Variants in TMC3 observed in about 807,000 individuals in gnomAD.
The protein encoded by TMC3 is transmembrane channel-like protein 3.
A neutral mutation model predicts 110.6 loss-of-function variants in TMC3; 98 were observed. That is an observed-to-expected ratio of 0.89 (90% CI 0.75 to 1.05). TMC3 has a LOEUF of 1.05. Ranked by LOEUF, TMC3 falls within the 50% of genes least tolerant of loss-of-function variation. The pLI is 0.00. For synonymous variants in TMC3, 489 were observed against 513.1 expected (o/e 0.95, Z 0.63); for missense variants, 1,319 against 1,373.2 (o/e 0.96, Z 0.62).
At chr15:81,357,265 G>A (rs1329229175) in intron 7 of TMC3, among the ~76,000 whole-genome samples, 1 of 152,058 alleles carries the variant, frequency 6.6e-6, no homozygotes, top group African/African-American at 2.4e-5. Context: ...AGGCCCCTAG[G>A]TCATTATGCA....
rs1893648033 is a variant in TMC3, at chr15:81,338,663, G to A, written c.2073C>T (p.Leu691=). The A allele has an allele frequency of 3.7e-6, 6 of 1,613,868 alleles. No individual in the cohort carries two copies. The highest frequency in any genetic ancestry group is 2.7e-5 in the African/African-American group (2 of 74,922). The stretch of plus-strand genomic sequence containing the variant: ...GCAGGTGTGGTACTCACAAAAGCAG[G>A]AGTACTGCGGGCAGGATGACCACGG... The part of the protein sequence containing the change: ...SSPVVILPAV[L]LLFMLIYYLQ... Residue 691 remains leucine (L), a synonymous_variant, in exon 18 of 22, where the codon CTC becomes CTT. Coordinates refer to ENST00000359440, the MANE Select transcript of TMC3 (RefSeq NM_001080532.3).
chr15:81,335,052 G>A, intron 20 of TMC3, 77 bp from the exon 21 acceptor site: 1 of 1,525,444 alleles, frequency 6.6e-7, no homozygotes, highest in South Asian at 1.2e-5. Context: ...TGAGTTGCAA[G>A]GGTTTTATGA....
chr15:81,362,386 A>C (rs1596093692), intron 3 of TMC3, 85 bp from the exon 4 acceptor site: 4 of 1,005,704 alleles, frequency 4.0e-6, no homozygotes. Context: ...AATGGAGTAT[A>C]CCAGACACTC....
chr15:81,359,587 C>T (rs61655027), intron 4 of TMC3, 116 bp from the exon 5 acceptor site: 27,687 of 649,562 alleles, frequency 0.043, 877 homozygotes, highest in East Asian at 0.13. Flanking sequence ...GTAAGAATGC[C>T]ATTATTGTAC....
intron 21 of TMC3, 143 bp from the exon 22 acceptor site, chr15:81,333,405 G>A (rs765047675): frequency 2.1e-5 from 25 of 1,164,712 alleles, no homozygotes; most frequent in Non-Finnish European, 2.8e-5. Flanking sequence ...TGTGTGCACA[G>A]AGACATTTGG....
intron 15 of TMC3, 107 bp from the exon 16 acceptor site, chr15:81,341,625 C>T (rs1037217253): frequency 7.8e-7 from 1 of 1,289,696 alleles, no homozygotes; most frequent in Non-Finnish European, 1.1e-6. Context: ...GGGGATTATA[C>T]CCTAAGCTTA....
At chr15:81,352,050 GC>G (rs1166582747) in intron 9 of TMC3, among the ~76,000 whole-genome samples, 3 of 152,154 alleles carry the variant, frequency 2.0e-5, no homozygotes, top group African/African-American at 7.2e-5. Context: ...AATTCAACCA[GC>G]CTGCATCAGT....
At position 81,372,714 on chromosome 15, in the gene TMC3, G is replaced by A; in HGVS notation, c.113C>T (p.Ala38Val). The change falls in exon 2 of 22, where the codon GCT becomes GTT. Residue 38 changes from alanine to valine, a missense_variant. Transcript: ENST00000359440. ...LLSNLDDSFSADETGDSNDPE... is the reference protein window; with the variant it reads ...LLSNLDDSFSVDETGDSNDPE... ...ATCATTGCTGTCCCCTGTTTCATCA[G>A]CACTAAAGCTGTCATCCAAGTTGCT... 6.2e-7 allele frequency: 1 copy of A among 1,613,996 alleles called. No individual in the cohort carries two copies. The highest frequency in any genetic ancestry group is 8.5e-7 in the Non-Finnish European group (1 of 1,179,884).
chr15:81,368,981 G>C (rs889841189), intron 2 of TMC3, among the ~76,000 whole-genome samples: 6 of 152,242 alleles, frequency 3.9e-5, no homozygotes, highest in Admixed American at 3.9e-4. Context: ...ATAAATGTTA[G>C]TGCCATGGAC....
chr15:81,357,588 T>A (rs1894092984), intron 7 of TMC3, among the ~76,000 whole-genome samples: 1 of 152,100 alleles, frequency 6.6e-6, no homozygotes, highest in Non-Finnish European at 1.5e-5. Flanking sequence ...GGTGCAGAGC[T>A]CCTAACCCCC....
chr15:81,344,314 G>C (rs552272608), intron 13 of TMC3, among the ~76,000 whole-genome samples: 1 of 152,314 alleles, frequency 6.6e-6, no homozygotes, highest in East Asian at 1.9e-4. Context: ...AGAATCTAAG[G>C]TCTGTGGTTC....
intron 3 of TMC3, among the ~76,000 whole-genome samples, chr15:81,366,788 G>A (rs1286130189): frequency 1.3e-5 from 2 of 152,154 alleles, no homozygotes; most frequent in African/African-American, 4.8e-5. Context: ...ATGCCAAGAT[G>A]TGTCCTTAGG....
chr15:81,350,147 A>G (rs1357074333), intron 10 of TMC3, among the ~76,000 whole-genome samples: 1 of 151,976 alleles, frequency 6.6e-6, no homozygotes, highest in Non-Finnish European at 1.5e-5. Context: ...TGGCAGAAGA[A>G]TTTCTTGAAC....
chr15:81,336,282 T>C (rs1893592726), intron 20 of TMC3, among the ~76,000 whole-genome samples: 1 of 152,066 alleles, frequency 6.6e-6, no homozygotes, highest in South Asian at 2.1e-4. Flanking sequence ...AAAAAAATAT[T>C]AGGACAGGTG....
In TMC3 at chr15:81,341,880, T is replaced by C. The variant is rs531838385; in HGVS notation, c.1716-362A>G. 1.0e-3 allele frequency among the ~76,000 whole-genome samples: 158 copies of C among 152,336 alleles called. 1 individual carries two copies. The highest frequency in any genetic ancestry group is 3.7e-3 in the African/African-American group (154 of 41,584). ...CTATGATGAGGACTGTGCTAATAAA[T>C]TACTGCCTTTCAGGTTTAATCAACA... is the stretch of plus-strand genomic sequence containing the variant. On this transcript the variant is annotated intron_variant, in intron 15 of 21. Transcript: ENST00000359440.
chr15:81,349,196 C>T (rs1469977362), intron 11 of TMC3, among the ~76,000 whole-genome samples: 5 of 151,924 alleles, frequency 3.3e-5, no homozygotes, highest in Non-Finnish European at 7.4e-5. Flanking sequence ...TTCTCCTCCT[C>T]CTCTTCTTCC....
intron 21 of TMC3, among the ~76,000 whole-genome samples, chr15:81,334,444 T>C (rs191488478): frequency 1.4e-4 from 21 of 152,290 alleles, no homozygotes; most frequent in South Asian, 4.1e-4. Flanking sequence ...AAATAAACAG[T>C]TATTTTCTTA....
intron 9 of TMC3, among the ~76,000 whole-genome samples, chr15:81,353,437 T>G (rs1893994807): frequency 6.6e-6 from 1 of 152,236 alleles, no homozygotes; most frequent in East Asian, 1.9e-4. Flanking sequence ...ATTCATTGAC[T>G]CACTCAGAGC....
intron 11 of TMC3, among the ~76,000 whole-genome samples, chr15:81,346,948 T>G (rs916383518): frequency 1.5e-4 from 23 of 152,330 alleles, no homozygotes; most frequent in African/African-American, 4.8e-4. Flanking sequence ...CTCAGTGCTC[T>G]GCTTCTGAAA....
Sources: allele counts gnomAD v4.1 joint callset (sites outside exome capture counted in the v4.1 genomes callset), GRCh38; gene constraint gnomAD v4.1.1; transcripts MANE v1.5; gene names NCBI Gene and HGNC (gene_info 2026-07-23, HGNC 2026-07-21).